Variants in DIDO1 observed in about 807,000 individuals in gnomAD.
DIDO1 encodes the protein death-inducer obliterator 1.
DIDO1 carries 16 observed loss-of-function variants against 99.4 expected under a neutral mutation model. The observed-to-expected ratio is 0.16, with a 90% CI of 0.11 to 0.24. DIDO1 has a LOEUF of 0.24. Ranked by LOEUF, DIDO1 falls within the 10% of genes least tolerant of loss-of-function variation. DIDO1 has a pLI of 1.00. For synonymous variants in DIDO1, 1,366 were observed against 1,239.1 expected (o/e 1.10, Z -2.15); for missense variants, 2,996 against 3,014.0 (o/e 0.99, Z 0.14).
At chr20:62,916,318 AT>A (rs145967097) in intron 1 of DIDO1, among the ~76,000 whole-genome samples, 3 of 152,016 alleles carry the variant, frequency 2.0e-5, no homozygotes, top group East Asian at 3.9e-4. Context: ...TTCTAAGCAC[AT>A]TTTTTTCCCC....
Position 62,896,370 on chromosome 20 carries a change from T to C in DIDO1, c.2077A>G (p.Ile693Val), listed in dbSNP as rs959776029. The C allele has an allele frequency of 6.2e-7, 1 of 1,613,992 alleles. No individual in the cohort carries two copies. Among genetic ancestry groups the C allele is most frequent in the African/African-American group, 1.3e-5 (1 of 74,910 alleles). The change falls in exon 8 of 16, where the codon ATC (isoleucine) becomes GTC (valine). Residue 693 changes from isoleucine (I) to valine (V), a missense_variant. Coordinates refer to ENST00000395343, the MANE Select transcript of DIDO1 (RefSeq NM_001193369.2). This position sits in a 1 kb window ranked among gnomAD's most constrained non-coding sequence, Gnocchi z 4.4. Reference sequence around the variant, plus strand: ...TTTCCTACTTCGTTTTCTGTCATGATTAAGTCATCGCTGTCATTGACTCTG... The same window carrying C: ...TTTCCTACTTCGTTTTCTGTCATGACTAAGTCATCGCTGTCATTGACTCTG... Reference protein sequence around the residue: ...WKRVNDSDDLIMTENEVGKIA... With the variant: ...WKRVNDSDDLVMTENEVGKIA...
At chr20:62,925,302 TAA>T (rs1453861536) in intron 1 of DIDO1, among the ~76,000 whole-genome samples, 1 of 152,184 alleles carries the variant, frequency 6.6e-6, no homozygotes, top group Admixed American at 6.5e-5. Context: ...AATGCTCATT[TAA>T]AAAAAGACTG....
rs540007226 is a variant in DIDO1, at chr20:62,910,846, C to T, written c.767G>A (p.Arg256Gln). The T allele has an allele frequency of 5.6e-6, 9 of 1,614,018 alleles. No homozygotes were observed. Among genetic ancestry groups the T allele is most frequent in the East Asian group, 4.5e-5 (2 of 44,872 alleles). Residue 256 changes from arginine (R) to glutamine (Q), a missense_variant, in exon 3 of 16, where the codon CGA becomes CAA. This residue lies in a region of DIDO1 where 388 missense variants were observed against 376.6 expected (regional missense o/e 1.03). Transcript: ENST00000395343. Reference sequence around the variant, plus strand: ...GTAACCCTCACATTCAGGCTTCGGTCGGCCCAAGTCTCCAGGCTCCTCATC... The same window carrying T: ...GTAACCCTCACATTCAGGCTTCGGTTGGCCCAAGTCTCCAGGCTCCTCATC... ...IKDEEPGDLGRPKPECEGYDP... is the reference protein window; with the variant it reads ...IKDEEPGDLGQPKPECEGYDP...
chr20:62,919,280 G>A (rs971779686), intron 1 of DIDO1, among the ~76,000 whole-genome samples: 1 of 152,180 alleles, frequency 6.6e-6, no homozygotes, highest in Non-Finnish European at 1.5e-5. Flanking sequence ...GGGTGCGGTG[G>A]CTCATGCCTG....
chr20:62,889,323 G>GGGAACCC, intron 15 of DIDO1: 2 of 985,298 alleles, frequency 2.0e-6, no homozygotes, highest in Non-Finnish European at 2.4e-6. Context: ...GCCCAGTGTG[G>GGGAACCC]GGAACCCGGT....
chr20:62,930,198 G>A (rs1158719238), upstream of DIDO1, among the ~76,000 whole-genome samples: 15 of 148,564 alleles, frequency 1.0e-4, no homozygotes, highest in East Asian at 2.0e-4. Context: ...GCGAGACTCC[G>A]TCTCAAAGAA....
intron 1 of DIDO1, among the ~76,000 whole-genome samples, chr20:62,916,416 T>C (rs1012219784): frequency 1.3e-5 from 2 of 152,210 alleles, no homozygotes; most frequent in East Asian, 1.9e-4. Flanking sequence ...TTCCAAATGC[T>C]TGAATGGCGG....
intron 1 of DIDO1, among the ~76,000 whole-genome samples, chr20:62,934,876 C>T (rs906290802): frequency 8.5e-5 from 13 of 152,204 alleles, no homozygotes; most frequent in Admixed American, 2.0e-4. Context: ...TCAGACCCCC[C>T]GGCCACTTTC....
Position 62,879,791 on chromosome 20 carries a change from G to A in DIDO1, c.6165C>T (p.Pro2055=). 3 of 1,611,350 alleles carry A rather than the reference G, an allele frequency of 1.9e-6. No individual in the cohort carries two copies. The highest frequency in any genetic ancestry group is 1.3e-5 in the African/African-American group (1 of 75,028). ...GPPSALSSSA[P]GQGPEADGQW... ...GTCCGTCGGCCTCGGGGCCCTGTCC[G>A]GGCGCACTGGAGGAGAGCGCGGAGG... is the stretch of plus-strand genomic sequence containing the variant. The change falls in exon 16 of 16, where the codon CCC becomes CCT. Residue 2055 remains proline (P), a synonymous_variant. Transcript: ENST00000395343. The surrounding 1 kb of genome is among the most constrained non-coding windows in gnomAD (Gnocchi z 6.3).
upstream of DIDO1, chr20:62,926,538 G>T (rs974049041): frequency 6.6e-6 from 1 of 151,872 alleles, no homozygotes; most frequent in Non-Finnish European, 1.5e-5. Flanking sequence ...CCCGCGCGGC[G>T]GGCGGAGGAC....
At chr20:62,907,565 C>A (rs2064835326) in intron 4 of DIDO1, among the ~76,000 whole-genome samples, 1 of 152,222 alleles carries the variant, frequency 6.6e-6, no homozygotes, top group African/African-American at 2.4e-5. Flanking sequence ...GCCCGTCATG[C>A]CCTGCAGGGG....
At chr20:62,924,987 G>A (rs950274668) in intron 1 of DIDO1, among the ~76,000 whole-genome samples, 1 of 152,206 alleles carries the variant, frequency 6.6e-6, no homozygotes, top group African/African-American at 2.4e-5. Flanking sequence ...TACACAGCAA[G>A]TAGGAAAACA....
chr20:62,903,242 T>C (rs1211118827), intron 6 of DIDO1, among the ~76,000 whole-genome samples: 1 of 152,204 alleles, frequency 6.6e-6, no homozygotes, highest in Non-Finnish European at 1.5e-5. Context: ...ACAGCCTCCT[T>C]CTAGCAATGG....
At position 62,881,266 on chromosome 20, in the gene DIDO1, T is replaced by C. The variant is rs2064200332; in HGVS notation, c.4690A>G (p.Arg1564Gly). Residue 1564 changes from arginine to glycine, a missense_variant, in exon 16 of 16, where the codon AGG (arginine) becomes GGG (glycine). By Grantham distance (125) the Arg-to-Gly change is moderately radical. Transcript: ENST00000395343. This position sits in a 1 kb window ranked among gnomAD's most constrained non-coding sequence, Gnocchi z 8.3. ...TCACCGGTCTCAGTGGCCAGGCGCCTCGCCTGCCGGGGGTCCCTGTGGTTT... is the reference window on the plus strand; with the variant it reads ...TCACCGGTCTCAGTGGCCAGGCGCCCCGCCTGCCGGGGGTCCCTGTGGTTT... ...ASNHRDPRQA[R>G]RLATETGEGE... The C allele has an allele frequency of 6.2e-7, 1 of 1,603,180 alleles. No individual in the cohort carries two copies. The highest frequency in any genetic ancestry group is 1.7e-5 in the Admixed American group (1 of 59,620).
chr20:62,929,694 T>TATATATATATATATATATA (rs1568894301), upstream of DIDO1, among the ~76,000 whole-genome samples: 1 of 81,736 alleles, frequency 1.2e-5, no homozygotes, highest in Non-Finnish European at 2.2e-5. Flanking sequence ...AAAGAAAAAG[T>TATATATATATATATATATA]GTATATATAT....
chr20:62,901,530 T>C (rs536616426), intron 6 of DIDO1, among the ~76,000 whole-genome samples: 1 of 145,426 alleles, frequency 6.9e-6, no homozygotes, highest in Non-Finnish European at 1.5e-5. Flanking sequence ...TAAACCAACA[T>C]GTTAGGGGCA....
At chr20:62,927,286 C>T (rs568936966), upstream of DIDO1, among the ~76,000 whole-genome samples, 55 of 152,326 alleles carry the variant, frequency 3.6e-4, 1 homozygote, top group African/African-American at 9.6e-4. Flanking sequence ...ACATGTTTGC[C>T]CACAGGGGTT....
intron 1 of DIDO1, among the ~76,000 whole-genome samples, chr20:62,920,803 T>C (rs2065122883): frequency 6.6e-6 from 1 of 152,206 alleles, no homozygotes; most frequent in African/African-American, 2.4e-5. Flanking sequence ...GCCAAACAGA[T>C]TTGTGAAAAC....
chr20:62,901,950 CGAG>C (rs1337400841), intron 6 of DIDO1, among the ~76,000 whole-genome samples: 30 of 151,990 alleles, frequency 2.0e-4, no homozygotes, highest in African/African-American at 5.8e-4. Flanking sequence ...CCGAGAATGC[CGAG>C]GAGGCTTTCC....
Sources: gnomAD v4.1 joint callset for allele counts (sites outside exome capture counted in the v4.1 genomes callset) on GRCh38, gnomAD v4.1.1 for gene constraint, gnomAD v4.1.1 regional missense constraint, Gnocchi (gnomAD v3.1) non-coding constraint, MANE v1.5 for transcripts, NCBI Gene and HGNC (gene_info 2026-07-23, HGNC 2026-07-21) for gene names.